Variants in NLGN1 observed in about 807,000 individuals in gnomAD.
The protein encoded by NLGN1 is neuroligin-1.
Under a neutral mutation model 65.5 loss-of-function variants are expected in NLGN1, and 12 were observed. The ratio of observed to expected loss-of-function variants is 0.18; its 90% CI spans 0.12 to 0.30. The LOEUF (loss-of-function observed/expected upper bound fraction) is 0.30. NLGN1 is among the 10% of genes least tolerant of loss of function. The probability of loss-of-function intolerance (pLI) is 1.00; values close to 1 mark genes in which losing one functional copy is unlikely to be tolerated. For synonymous variants in NLGN1, 350 were observed against 359.5 expected, an observed-to-expected ratio of 0.97 and a Z score of 0.30; for missense variants, 750 against 1,007.1, an observed-to-expected ratio of 0.74 and a Z score of 3.46.
chr3:173,483,173 T>C (rs13324148), intron 2 of NLGN1, among the ~76,000 whole-genome samples: 1,876 of 152,238 alleles, frequency 0.012, 37 homozygotes, highest in African/African-American at 0.044. Flanking sequence ...ATGTTGTTTA[T>C]GTTTTTTCTT....
At chr3:173,451,447 G>T (rs967512148) in intron 2 of NLGN1, among the ~76,000 whole-genome samples, 1 of 152,138 alleles carries the variant, frequency 6.6e-6, no homozygotes, top group African/African-American at 2.4e-5. Context: ...GTACCTGGCC[G>T]TGTGAGGTGT....
intron 4 of NLGN1, among the ~76,000 whole-genome samples, chr3:174,015,266 C>T (rs1459056099): frequency 6.6e-6 from 1 of 152,022 alleles, no homozygotes; most frequent in African/African-American, 2.4e-5. Context: ...AACAAAATAC[C>T]ACAGAATAAG....
intron 2 of NLGN1, among the ~76,000 whole-genome samples, chr3:173,556,673 C>T (rs1194408609): frequency 1.3e-5 from 2 of 151,976 alleles, no homozygotes; most frequent in East Asian, 3.9e-4. Context: ...CAGCCTGGTG[C>T]ACGTGCCTGT....
At chr3:173,985,117 G>A (rs1231892936) in intron 4 of NLGN1, among the ~76,000 whole-genome samples, 1 of 152,180 alleles carries the variant, frequency 6.6e-6, no homozygotes, top group Non-Finnish European at 1.5e-5. Context: ...TAGAAGCTCT[G>A]TAATCCCAAT....
intron 2 of NLGN1, among the ~76,000 whole-genome samples, chr3:173,575,683 A>G (rs1051475243): frequency 6.6e-6 from 1 of 152,150 alleles, no homozygotes; most frequent in Non-Finnish European, 1.5e-5. Context: ...TCTTTCTATT[A>G]TTGCTGGCAT....
chr3:174,261,090 T>G (rs1281815676), intron 4 of NLGN1, among the ~76,000 whole-genome samples: 1 of 152,224 alleles, frequency 6.6e-6, no homozygotes, highest in Non-Finnish European at 1.5e-5. Flanking sequence ...TACTGTAGCC[T>G]TGTAGTACAG....
At chr3:174,243,824 C>A (rs983393072) in intron 4 of NLGN1, among the ~76,000 whole-genome samples, 3 of 152,166 alleles carry the variant, frequency 2.0e-5, no homozygotes, top group Non-Finnish European at 4.4e-5. Context: ...CACATTTATT[C>A]CTTACAACTT....
chr3:173,792,314 T>C lies in NLGN1; in HGVS notation c.494-15366T>C, dbSNP rs1021465218. On this transcript the variant is annotated intron_variant, in intron 3 of 6. Transcript: ENST00000457714. The stretch of plus-strand genomic sequence containing the variant: ...TGCTTCAATCTTTTTATCTCACTTA[T>C]GAAGATAAAATTTAATAATGCCAAA... 3.9e-5 allele frequency among the ~76,000 whole-genome samples: 6 copies of C among 152,172 alleles called. No individual in the cohort carries two copies. In the East Asian group the frequency reaches 1.2e-3, roughly 29 times the overall value.
intron 4 of NLGN1, among the ~76,000 whole-genome samples, chr3:174,141,410 T>C (rs1722252398): frequency 6.6e-6 from 1 of 151,358 alleles, no homozygotes; most frequent in Non-Finnish European, 1.5e-5. Context: ...AGAAAAAAAA[T>C]CGCACATGTC....
At chr3:173,670,931 C>A (rs1385007683) in intron 3 of NLGN1, among the ~76,000 whole-genome samples, 1 of 152,150 alleles carries the variant, frequency 6.6e-6, no homozygotes, top group East Asian at 1.9e-4. Context: ...TAAATGTACT[C>A]AAATAAATTA....
intron 4 of NLGN1, among the ~76,000 whole-genome samples, chr3:173,830,262 G>A (rs1252611345): frequency 3.3e-5 from 5 of 152,158 alleles, no homozygotes; most frequent in Middle Eastern, 3.4e-3. Flanking sequence ...TGTATGTTTC[G>A]ATACGGTCTT....
At chr3:174,272,161 T>C (rs919318613) in intron 4 of NLGN1, among the ~76,000 whole-genome samples, 1 of 151,714 alleles carries the variant, frequency 6.6e-6, no homozygotes, top group Admixed American at 6.6e-5. Context: ...GGAAAAGCCT[T>C]CTTCTCCAAA....
At chr3:173,512,116 C>T (rs1733080193) in intron 2 of NLGN1, among the ~76,000 whole-genome samples, 1 of 152,144 alleles carries the variant, frequency 6.6e-6, no homozygotes, top group Admixed American at 6.6e-5. Flanking sequence ...CCTCAAGACC[C>T]CAGAGGCTGA....
At chr3:173,716,089 C>T (rs186008318) in intron 3 of NLGN1, among the ~76,000 whole-genome samples, 5 of 152,142 alleles carry the variant, frequency 3.3e-5, no homozygotes, top group African/African-American at 9.6e-5. Context: ...AATTATTTCA[C>T]GAAATAAAAT....
chr3:173,758,829 C>G (rs549133785), intron 3 of NLGN1, among the ~76,000 whole-genome samples: 1 of 152,018 alleles, frequency 6.6e-6, no homozygotes, highest in East Asian at 1.9e-4. Flanking sequence ...GATATCAGTT[C>G]TCAATTTTTC....
At chr3:173,725,933 T>C (rs1771690056) in intron 3 of NLGN1, among the ~76,000 whole-genome samples, 1 of 152,112 alleles carries the variant, frequency 6.6e-6, no homozygotes, top group Admixed American at 6.6e-5. Flanking sequence ...ACCCTCTCTA[T>C]AGGCAGTTCA....
chr3:174,154,992 T>TA (rs1561175294), intron 4 of NLGN1, among the ~76,000 whole-genome samples: 7,945 of 117,450 alleles, frequency 0.068, 516 homozygotes, highest in East Asian at 0.14. Flanking sequence ...ATATTATATA[T>TA]TATATATATT....
At chr3:173,894,468 T>G (rs1194783400) in intron 4 of NLGN1, among the ~76,000 whole-genome samples, 1 of 152,178 alleles carries the variant, frequency 6.6e-6, no homozygotes, top group Non-Finnish European at 1.5e-5. Flanking sequence ...ATGATTTACA[T>G]AAATTGAATC....
chr3:173,990,302 A>G (rs559832909), intron 4 of NLGN1, among the ~76,000 whole-genome samples: 4 of 152,254 alleles, frequency 2.6e-5, no homozygotes, highest in East Asian at 3.9e-4. Context: ...ACCTTTCTCA[A>G]TCAAAAAGTT....
Sources: gnomAD v4.1 joint callset for allele counts (sites outside exome capture counted in the v4.1 genomes callset) on GRCh38, gnomAD v4.1.1 for gene constraint, MANE v1.5 for transcripts, NCBI Gene and HGNC (gene_info 2026-07-23, HGNC 2026-07-21) for gene names.